PRKN: variants seen among roughly 807,000 people sequenced by gnomAD.
The protein encoded by PRKN is E3 ubiquitin-protein ligase parkin.
A neutral mutation model predicts 59.5 loss-of-function variants in PRKN; 56 were observed. The observed-to-expected ratio is 0.94, with a 90% CI of 0.76 to 1.18. PRKN has a LOEUF of 1.18. Among genes scored for constraint, PRKN ranks in the 50% most tolerant of loss-of-function variants. The pLI, the probability that PRKN is intolerant of heterozygous loss-of-function variation, is 0.00. For synonymous variants in PRKN, 250 were observed against 222.1 expected, an observed-to-expected ratio of 1.13 and a Z score of -1.12; for missense variants, 657 against 596.4, an observed-to-expected ratio of 1.10 and a Z score of -1.06.
At position 161,456,289 on chromosome 6, in the gene PRKN, C is replaced by T. The variant is rs117699844; in HGVS notation, c.1084-69412G>A. Among the ~76,000 whole-genome samples the T allele has an allele frequency of 2.4e-3, 367 of 152,300 alleles. No individual in the cohort carries two copies. The highest frequency in any genetic ancestry group is 4.2e-3 in the Non-Finnish European group (286 of 68,024). ...GAAGGGTGTGGAAGGCCTAGACTGG[C>T]TGAGTCTTCCGGCTTTCAAATTTCT... On this transcript the variant is annotated intron_variant, in intron 9 of 11. Coordinates refer to ENST00000366898, the MANE Select transcript of PRKN (RefSeq NM_004562.3). This position sits in a 1 kb window ranked among gnomAD's most constrained non-coding sequence, Gnocchi z 4.8.
At chr6:161,888,637 C>T (rs1364277420) in intron 6 of PRKN, among the ~76,000 whole-genome samples, 1 of 152,180 alleles carries the variant, frequency 6.6e-6, no homozygotes, top group Non-Finnish European at 1.5e-5. Context: ...TTGAGAACCA[C>T]TGGTGTAGGC....
At chr6:162,511,365 T>A (rs888496112) in intron 1 of PRKN, among the ~76,000 whole-genome samples, 20 of 152,234 alleles carry the variant, frequency 1.3e-4, no homozygotes, top group African/African-American at 4.8e-4. Flanking sequence ...CATATTGCCT[T>A]AAAGTGCAGT....
intron 6 of PRKN, among the ~76,000 whole-genome samples, chr6:161,870,139 G>A (rs1485442748): frequency 2.6e-5 from 4 of 152,116 alleles, no homozygotes; most frequent in Non-Finnish European, 4.4e-5. Flanking sequence ...CAAGATCAGA[G>A]GAGATCAGGC....
rs373776154 is a variant in PRKN, at chr6:161,564,746, T to C, written c.933+4609A>G. ...CATCCATTTCTCTCTCTCTCTCTCA[T>C]TTCTCAAATCTTCAGTTTGCAATTC... On this transcript the variant is annotated intron_variant, in intron 8 of 11. Coordinates refer to ENST00000366898, the MANE Select transcript of PRKN (RefSeq NM_004562.3). Among the ~76,000 whole-genome samples the C allele has an allele frequency of 8.5e-5, 13 of 152,144 alleles. No individual in the cohort carries two copies. In the East Asian group the frequency reaches 2.3e-3, roughly 27 times the overall value.
In PRKN at chr6:162,374,547, G is replaced by GTTTA. The variant is rs1194809971; in HGVS notation, c.171+68759_171+68762dup. On this transcript the variant is annotated intron_variant, in intron 2 of 11. Coordinates refer to ENST00000366898, the MANE Select transcript of PRKN (RefSeq NM_004562.3). ...GTTTTATTTATTTATTTGTTTGTTT[G>GTTTA]TTTATTTATTTATTTATTCATTTAT... 4.0e-5 allele frequency among the ~76,000 whole-genome samples: 6 copies of GTTTA among 150,430 alleles called. No individual in the cohort carries two copies. In the South Asian group the frequency reaches 8.4e-4, roughly 21 times the overall value.
At chr6:161,667,208 TG>T (rs1784757354) in intron 7 of PRKN, among the ~76,000 whole-genome samples, 1 of 152,178 alleles carries the variant, frequency 6.6e-6, no homozygotes, top group Non-Finnish European at 1.5e-5. Context: ...ATTATTACCC[TG>T]GATCTCACAC....
At position 161,743,832 on chromosome 6, in the gene PRKN, A is replaced by C. The variant is rs145182986; in HGVS notation, c.871+41940T>G. Among the ~76,000 whole-genome samples the C allele has an allele frequency of 3.3e-5, 5 of 152,212 alleles. No individual in the cohort carries two copies. The East Asian group carries it at 9.6e-4, about 29-fold the overall frequency. On this transcript the variant is annotated intron_variant, in intron 7 of 11. Coordinates refer to ENST00000366898, the MANE Select transcript of PRKN (RefSeq NM_004562.3). ...TCTGGGCACCAATTCTGACAAAATAAATCATCGAGAAGTCTGGTCAATTCT... is the reference window on the plus strand; with the variant it reads ...TCTGGGCACCAATTCTGACAAAATACATCATCGAGAAGTCTGGTCAATTCT...
intron 2 of PRKN, among the ~76,000 whole-genome samples, chr6:162,286,967 A>G (rs1385140460): frequency 6.6e-6 from 1 of 152,240 alleles, no homozygotes; most frequent in Non-Finnish European, 1.5e-5. Context: ...ATGAGTACAG[A>G]TATCTACTTT....
intron 1 of PRKN, among the ~76,000 whole-genome samples, chr6:162,584,194 C>T (rs1016667416): frequency 7.6e-6 from 1 of 132,222 alleles, no homozygotes; most frequent in Admixed American, 8.8e-5. Context: ...GCCTGGGCGA[C>T]AGAGTGAGAC....
In PRKN at chr6:161,360,599, G is replaced by A. The variant is rs900668071; in HGVS notation, c.1168-394C>T. Among the ~76,000 whole-genome samples, 1 of 152,180 alleles carries A rather than the reference G, an allele frequency of 6.6e-6. No homozygotes were observed. The highest frequency in any genetic ancestry group is 2.4e-5 in the African/African-American group (1 of 41,434). ...AGTTTTTATTCCACATTGAGGATTCGATGGGTGAAAACATGGCCCAAAGCT... is the reference window on the plus strand; with the variant it reads ...AGTTTTTATTCCACATTGAGGATTCAATGGGTGAAAACATGGCCCAAAGCT... On this transcript the variant is annotated intron_variant, in intron 10 of 11. Coordinates refer to ENST00000366898, the MANE Select transcript of PRKN (RefSeq NM_004562.3). This position sits in a 1 kb window ranked among gnomAD's most constrained non-coding sequence, Gnocchi z 5.1.
intron 1 of PRKN, among the ~76,000 whole-genome samples, chr6:162,559,898 G>A (rs1779765755): frequency 6.6e-6 from 1 of 152,106 alleles, no homozygotes; most frequent in Non-Finnish European, 1.5e-5. Flanking sequence ...ATGTCTCTAA[G>A]GTCCTAAATT....
At chr6:161,681,262 T>C (rs1242205028) in intron 7 of PRKN, among the ~76,000 whole-genome samples, 1 of 152,144 alleles carries the variant, frequency 6.6e-6, no homozygotes, top group Non-Finnish European at 1.5e-5. Flanking sequence ...GCACCCAGCC[T>C]TGTTAATAGG....
rs1292020776 is a variant in PRKN, at chr6:161,906,657, TAC to T, written c.734+66643_734+66644del. The stretch of plus-strand genomic sequence containing the variant: ...CAAGAGGGACAAATCTAATAGAACA[TAC>T]ATATATATATATATATGTATATATG... On this transcript the variant is annotated intron_variant, in intron 6 of 11. Transcript: ENST00000366898. Among the ~76,000 whole-genome samples, 11 of 122,322 alleles carry T rather than the reference TAC, an allele frequency of 9.0e-5. 1 individual carries two copies. The highest frequency in any genetic ancestry group is 4.8e-4 in the South Asian group (2 of 4,158). 80.2% of individuals were successfully genotyped at this position (122,322 alleles called of 152,430 possible).
intron 6 of PRKN, among the ~76,000 whole-genome samples, chr6:161,830,502 T>C (rs908760847): frequency 1.2e-4 from 18 of 152,300 alleles, no homozygotes; most frequent in Admixed American, 9.8e-4. Flanking sequence ...TCTGCCCGCC[T>C]CGGCCTCCCA....
intron 6 of PRKN, among the ~76,000 whole-genome samples, chr6:161,963,249 C>T (rs779896721): frequency 1.4e-4 from 22 of 152,206 alleles, no homozygotes; most frequent in Non-Finnish European, 2.4e-4. Context: ...TTGACCCTAA[C>T]GGATACAAAA....
At chr6:162,392,998 A>G (rs1787279457) in intron 2 of PRKN, among the ~76,000 whole-genome samples, 1 of 151,868 alleles carries the variant, frequency 6.6e-6, no homozygotes, top group Non-Finnish European at 1.5e-5. Context: ...ACCATGCAGC[A>G]ATTCCATGAT....
chr6:162,521,773 T>A, intron 1 of PRKN, among the ~76,000 whole-genome samples: 1 of 152,146 alleles, frequency 6.6e-6, no homozygotes, highest in Non-Finnish European at 1.5e-5. Flanking sequence ...GAATATGGTT[T>A]AAGCACAAAA....
At chr6:161,380,194 C>A (rs970979680) in intron 10 of PRKN, among the ~76,000 whole-genome samples, 2 of 152,162 alleles carry the variant, frequency 1.3e-5, no homozygotes, top group Non-Finnish European at 2.9e-5. Flanking sequence ...AAGTTCCTTC[C>A]CTGCCTGAAG....
intron 1 of PRKN, among the ~76,000 whole-genome samples, chr6:162,479,805 C>T (rs997085297): frequency 1.8e-4 from 27 of 150,070 alleles, no homozygotes; most frequent in Non-Finnish European, 2.7e-4. Context: ...CAGTGGCTCA[C>T]GCCTGTAATC....
Sources: gnomAD v4.1 joint callset for allele counts (sites outside exome capture counted in the v4.1 genomes callset) on GRCh38, gnomAD v4.1.1 for gene constraint, Gnocchi (gnomAD v3.1) non-coding constraint, MANE v1.5 for transcripts, NCBI Gene and HGNC (gene_info 2026-07-23, HGNC 2026-07-21) for gene names.